SLC7A5: variants seen among roughly 807,000 people sequenced by gnomAD.
SLC7A5 encodes the protein large neutral amino acids transporter small subunit 1.
SLC7A5 carries 23 observed loss-of-function variants against 50.2 expected under a neutral mutation model. That is an observed-to-expected ratio of 0.46 (90% CI 0.33 to 0.65). The LOEUF (loss-of-function observed/expected upper bound fraction) is 0.65. SLC7A5 is among the 30% of genes least tolerant of loss of function. The pLI, the probability that SLC7A5 is intolerant of heterozygous loss-of-function variation, is 0.02. For missense variants in SLC7A5, 578 were observed against 684.4 expected (o/e 0.84, Z 1.73); for synonymous variants, 393 against 330.6 (o/e 1.19, Z -2.05).
Position 87,863,982 on chromosome 16 carries a change from T to TAAAAAAAAAA in SLC7A5, c.538+4902_538+4903insTTTTTTTTTT, listed in dbSNP as rs200874231. Among the ~76,000 whole-genome samples, 113 of 107,906 alleles carry TAAAAAAAAAA rather than the reference T, an allele frequency of 1.0e-3. 1 individual carries two copies. Among genetic ancestry groups the TAAAAAAAAAA allele is most frequent in the Middle Eastern group, 4.1e-3 (1 of 244 alleles). 70.8% of individuals were successfully genotyped at this position (107,906 alleles called of 152,430 possible). ...GAACCCAACCTTATGTGTGATCATT[T>TAAAAAAAAAA]AAAAATATATATATATATATATATA... On this transcript the variant is annotated intron_variant, in intron 1 of 9. Transcript: ENST00000261622.
chr16:87,851,154 A>C (rs2055217685), intron 2 of SLC7A5, among the ~76,000 whole-genome samples: 1 of 151,650 alleles, frequency 6.6e-6, no homozygotes, highest in Non-Finnish European at 1.5e-5. Context: ...AACAGTGGAC[A>C]CGTCTGAGTG....
At chr16:87,856,892 CG>C (rs2143808907) in intron 1 of SLC7A5, among the ~76,000 whole-genome samples, 1 of 152,286 alleles carries the variant, frequency 6.6e-6, no homozygotes, top group African/African-American at 2.4e-5. Flanking sequence ...CAGGCAGGTC[CG>C]GGAGATGGAG....
intron 2 of SLC7A5, among the ~76,000 whole-genome samples, chr16:87,846,223 T>C (rs1363682975): frequency 5.3e-5 from 8 of 152,236 alleles, no homozygotes; most frequent in Non-Finnish European, 2.9e-5. Flanking sequence ...TGTCCCTGCA[T>C]GACCCTGAGA....
intron 2 of SLC7A5, among the ~76,000 whole-genome samples, chr16:87,847,988 G>A (rs1360651939): frequency 4.6e-5 from 7 of 152,146 alleles, no homozygotes; most frequent in African/African-American, 1.7e-4. Flanking sequence ...CGGGACCCAG[G>A]GCCCAGCAGC....
At chr16:87,855,320 A>T (rs1266893528) in intron 1 of SLC7A5, among the ~76,000 whole-genome samples, 1 of 151,822 alleles carries the variant, frequency 6.6e-6, no homozygotes, top group Non-Finnish European at 1.5e-5. Context: ...AGTGATACTG[A>T]CCTCAGAGAC....
chr16:87,852,653 T>TGTGTGTGTGC lies in SLC7A5; in HGVS notation c.539-805_539-804insGCACACACAC, dbSNP rs2055249600. ...CTCTGAGCCTCTGTGTGTGTGTGTG[T>TGTGTGTGTGC]GTGTGTGTGTGTGTGTGTGTGTGTG... On this transcript the variant is annotated intron_variant, in intron 1 of 9. Transcript: ENST00000261622. This position sits in a 1 kb window ranked among gnomAD's most constrained non-coding sequence, Gnocchi z 4.5. 6.8e-6 allele frequency among the ~76,000 whole-genome samples: 1 copy of TGTGTGTGTGC among 146,392 alleles called. No homozygotes were observed. Among genetic ancestry groups the TGTGTGTGTGC allele is most frequent in the Non-Finnish European group, 1.5e-5 (1 of 66,312 alleles).
intron 2 of SLC7A5, among the ~76,000 whole-genome samples, chr16:87,845,659 C>G (rs2055144876): frequency 6.6e-6 from 1 of 152,204 alleles, no homozygotes; most frequent in South Asian, 2.1e-4. Context: ...GTTCTGGCGG[C>G]AACCAGATGG....
Position 87,860,571 on chromosome 16 carries a change from C to T in SLC7A5, c.538+8314G>A, listed in dbSNP as rs988634303. On this transcript the variant is annotated intron_variant, in intron 1 of 9. Coordinates refer to ENST00000261622, the MANE Select transcript of SLC7A5 (RefSeq NM_003486.7). This position sits in a 1 kb window ranked among gnomAD's most constrained non-coding sequence, Gnocchi z 4.8. ...TAGGAGGTATGAACTCCAGCTGTGG[C>T]CCACCCCCTGGGGCACATGTCCTCA... Among the ~76,000 whole-genome samples the T allele has an allele frequency of 9.4e-5, 14 of 148,544 alleles. No homozygotes were observed. Among genetic ancestry groups the T allele is most frequent in the African/African-American group, 3.1e-4 (12 of 38,382 alleles).
chr16:87,843,969 C>A (rs2055115387), intron 2 of SLC7A5, among the ~76,000 whole-genome samples: 1 of 152,196 alleles, frequency 6.6e-6, no homozygotes, highest in Admixed American at 6.5e-5. Flanking sequence ...CTGGGCAGGA[C>A]TGGAAGGAAT....
intron 1 of SLC7A5, among the ~76,000 whole-genome samples, chr16:87,863,986 A>AATATATATATAC: frequency 1.2e-5 from 1 of 83,278 alleles, no homozygotes; most frequent in East Asian, 3.3e-4. Context: ...ATCATTTAAA[A>AATATATATATAC]ATATATATAT....
In SLC7A5 at chr16:87,832,879, T is replaced by TGGGTTGC. The variant is rs962132602; in HGVS notation, c.*84_*90dup. 8.7e-6 allele frequency: 9 copies of TGGGTTGC among 1,034,758 alleles called. No homozygotes were observed. In the Admixed American group the frequency reaches 1.2e-4, roughly 14 times the overall value. The allele number at this position is 1,034,758 out of a possible 1,614,324, so 64.1% of individuals were successfully genotyped here. Reference sequence around the variant, plus strand: ...GGGACTGGGATGGGCAGCTGAGCTGTGGGTTGCGGGGAACCGGAGTGGGTT... The same window carrying TGGGTTGC: ...GGGACTGGGATGGGCAGCTGAGCTGTGGGTTGCGGGTTGCGGGGAACCGGAGTGGGTT... On this transcript the variant is annotated 3_prime_UTR_variant, in exon 10 of 10. Transcript: ENST00000261622. The surrounding 1 kb of genome is among the most constrained non-coding windows in gnomAD (Gnocchi z 4.6).
Position 87,848,562 on chromosome 16 carries a change from G to C in SLC7A5, c.664+3162C>G, listed in dbSNP as rs192047910. Reference sequence around the variant, plus strand: ...TAAGCCTGCGTGTCCCCATGCCCCAGCCTAGGGGCAGCCATGACTCCCCCA... The same window carrying C: ...TAAGCCTGCGTGTCCCCATGCCCCACCCTAGGGGCAGCCATGACTCCCCCA... On this transcript the variant is annotated intron_variant, in intron 2 of 9. Transcript: ENST00000261622. Among the ~76,000 whole-genome samples the C allele has an allele frequency of 5.4e-3, 823 of 152,284 alleles. 7 individuals carry two copies. The highest frequency in any genetic ancestry group is 0.019 in the African/African-American group (771 of 41,544).
At chr16:87,868,681 T>G (rs1345720406) in intron 1 of SLC7A5, among the ~76,000 whole-genome samples, 1 of 152,182 alleles carries the variant, frequency 6.6e-6, no homozygotes, top group Non-Finnish European at 1.5e-5. Flanking sequence ...ACTGAAGATA[T>G]TCCCAGCCTG....
intron 2 of SLC7A5, among the ~76,000 whole-genome samples, chr16:87,847,675 C>T (rs577730033): frequency 5.3e-5 from 8 of 152,292 alleles, no homozygotes; most frequent in African/African-American, 1.9e-4. Context: ...GAGGTGTGGG[C>T]CTCCCCCCAG....
At chr16:87,867,023 C>T (rs1479939522) in intron 1 of SLC7A5, among the ~76,000 whole-genome samples, 1 of 151,872 alleles carries the variant, frequency 6.6e-6, no homozygotes, top group East Asian at 1.9e-4. Flanking sequence ...CCTCCACATC[C>T]CGGAGCATGC....
In SLC7A5 at chr16:87,861,200, G is replaced by T. The variant is rs372601345; in HGVS notation, c.538+7685C>A. On this transcript the variant is annotated intron_variant, in intron 1 of 9. Coordinates refer to ENST00000261622, the MANE Select transcript of SLC7A5 (RefSeq NM_003486.7). The surrounding 1 kb of genome is among the most constrained non-coding windows in gnomAD (Gnocchi z 4.2). ...TGCTCCAGGGAGGGCCAGGCCTACT[G>T]GGGGGCAGAACCCTGTGGCTGTCCA... is the stretch of plus-strand genomic sequence containing the variant. Among the ~76,000 whole-genome samples the T allele has an allele frequency of 6.6e-6, 1 of 152,180 alleles. No individual in the cohort carries two copies. The highest frequency in any genetic ancestry group is 6.5e-5 in the Admixed American group (1 of 15,284).
In SLC7A5 at chr16:87,850,129, C is replaced by T. The variant is rs2055201075; in HGVS notation, c.664+1595G>A. 2.0e-5 allele frequency among the ~76,000 whole-genome samples: 3 copies of T among 152,304 alleles called. No individual in the cohort carries two copies. The South Asian group carries it at 6.2e-4, about 32-fold the overall frequency. ...GCTGCAGCCAGACTTTGTCCTAAGG[C>T]GAAGTGCCACGTACAGCCAGCAGGG... is the stretch of plus-strand genomic sequence containing the variant. On this transcript the variant is annotated intron_variant, in intron 2 of 9. Coordinates refer to ENST00000261622, the MANE Select transcript of SLC7A5 (RefSeq NM_003486.7).
chr16:87,839,336 A>G (rs1244085612), intron 5 of SLC7A5, among the ~76,000 whole-genome samples: 1 of 152,170 alleles, frequency 6.6e-6, no homozygotes, highest in Non-Finnish European at 1.5e-5. Context: ...CGTGCCTTCT[A>G]ACGAACCCCA....
Position 87,832,270 on chromosome 16 carries a change from C to G in SLC7A5, c.*700G>C, listed in dbSNP as rs1225533348. ...TGGTGAGCTAGGGGAGATGCCGGCA[C>G]CCCCCAACCCTGGGGCTGTTCCCTG... On this transcript the variant is annotated 3_prime_UTR_variant, in exon 10 of 10. Transcript: ENST00000261622. The surrounding 1 kb of genome is among the most constrained non-coding windows in gnomAD (Gnocchi z 4.6). 2 of 152,232 alleles carry G rather than the reference C, an allele frequency of 1.3e-5. No homozygotes were observed. Among genetic ancestry groups the G allele is most frequent in the African/African-American group, 4.8e-5 (2 of 41,440 alleles). 9.4% of individuals were successfully genotyped at this position (152,232 alleles called of 1,614,324 possible).
Sources: gnomAD v4.1 joint callset for allele counts (sites outside exome capture counted in the v4.1 genomes callset) on GRCh38, gnomAD v4.1.1 for gene constraint, Gnocchi (gnomAD v3.1) non-coding constraint, MANE v1.5 for transcripts, NCBI Gene and HGNC (gene_info 2026-07-23, HGNC 2026-07-21) for gene names.